DMRT1: variants seen among roughly 807,000 people sequenced by gnomAD.
DMRT1 encodes doublesex and mab-3 related transcription factor 1, also known as doublesex- and mab-3-related transcription factor 1.
DMRT1 carries 7 observed loss-of-function variants against 32.3 expected under a neutral mutation model. The observed-to-expected ratio is 0.22, with a 90% CI of 0.12 to 0.41. The LOEUF (loss-of-function observed/expected upper bound fraction) is 0.41, where lower values mean the gene tolerates loss of function less well. Ranked by LOEUF, DMRT1 falls within the 10% of genes least tolerant of loss-of-function variation. The probability of loss-of-function intolerance (pLI) is 1.00; values close to 1 mark genes in which losing one functional copy is unlikely to be tolerated. For missense variants in DMRT1, 625 were observed against 500.5 expected, an observed-to-expected ratio of 1.25 and a Z score of -2.37; for synonymous variants, 278 against 206.1, an observed-to-expected ratio of 1.35 and a Z score of -2.99.
intron 3 of DMRT1, among the ~76,000 whole-genome samples, chr9:897,241 T>C (rs1249664088): frequency 6.6e-6 from 1 of 151,672 alleles, no homozygotes; most frequent in African/African-American, 2.4e-5. Context: ...GCCTACTGAG[T>C]AGCTGGGACT....
At position 861,805 on chromosome 9, in the gene DMRT1, C is replaced by CG. The variant is rs57064577; in HGVS notation, c.538+14671dup. On this transcript the variant is annotated intron_variant, in intron 2 of 4. Transcript: ENST00000382276. The stretch of plus-strand genomic sequence containing the variant: ...CTTCCCAGACGGGGCGGCTGCCGGG[C>CG]GGGGGGGGGCTCCTTCAGACGGGGC... Among the ~76,000 whole-genome samples, 459 of 143,616 alleles carry CG rather than the reference C, an allele frequency of 3.2e-3. 3 individuals are homozygous for CG. The highest frequency in any genetic ancestry group is 0.022 in the Middle Eastern group (6 of 274). 94.2% of individuals were successfully genotyped at this position (143,616 alleles called of 152,430 possible). A position where few individuals can be genotyped will look rare whatever the true frequency, so the allele number is the denominator to read the frequency against.
At chr9:893,400 G>C (rs560608526) in intron 2 of DMRT1, among the ~76,000 whole-genome samples, 1 of 152,352 alleles carries the variant, frequency 6.6e-6, no homozygotes, top group Non-Finnish European at 1.5e-5. Context: ...TCTTACACTA[G>C]AAGTTTGCCC....
intron 2 of DMRT1, among the ~76,000 whole-genome samples, chr9:876,719 T>C (rs1283596759): frequency 1.3e-5 from 2 of 152,126 alleles, no homozygotes; most frequent in African/African-American, 2.4e-5. Context: ...TTTGTAGAGA[T>C]GGGGTCTCGC....
intron 4 of DMRT1, among the ~76,000 whole-genome samples, chr9:919,114 C>CGG (rs1215707413): frequency 6.6e-6 from 1 of 152,084 alleles, no homozygotes; most frequent in Non-Finnish European, 1.5e-5. Flanking sequence ...TGGCTCATAA[C>CGG]CAGTTACATG....
intron 4 of DMRT1, among the ~76,000 whole-genome samples, chr9:932,575 CTG>C (rs1818760119): frequency 6.6e-6 from 1 of 152,108 alleles, no homozygotes; most frequent in African/African-American, 2.4e-5. Flanking sequence ...CTGACACAAA[CTG>C]GGTGTCCTAC....
In DMRT1 at chr9:841,796, C is replaced by A. The variant is rs1387061667; in HGVS notation, c.-43C>A. The A allele has an allele frequency of 2.5e-6, 4 of 1,575,294 alleles. No individual in the cohort carries two copies. The highest frequency in any genetic ancestry group is 3.4e-6 in the Non-Finnish European group (4 of 1,160,958). ...TTCATCCCTCGCAGCAGTCTCCAGG[C>A]GAGAGAGGGGGCCAGAGTGCTCGCA... is the stretch of plus-strand genomic sequence containing the variant. On this transcript the variant is annotated 5_prime_UTR_variant, in exon 1 of 5. Coordinates refer to ENST00000382276, the MANE Select transcript of DMRT1 (RefSeq NM_021951.3).
At chr9:862,234 C>G (rs937784315) in intron 2 of DMRT1, among the ~76,000 whole-genome samples, 1 of 152,058 alleles carries the variant, frequency 6.6e-6, no homozygotes, top group Non-Finnish European at 1.5e-5. Flanking sequence ...GTGAGCGAGA[C>G]TCCGTCTGCA....
chr9:910,407 T>C (rs1457382670), intron 3 of DMRT1, among the ~76,000 whole-genome samples: 1 of 152,182 alleles, frequency 6.6e-6, no homozygotes, highest in Non-Finnish European at 1.5e-5. Flanking sequence ...AGATGACAAT[T>C]TGGTCTTCAC....
chr9:879,191 C>T (rs185115278), intron 2 of DMRT1, among the ~76,000 whole-genome samples: 60 of 152,218 alleles, frequency 3.9e-4, no homozygotes, highest in African/African-American at 1.3e-3. Context: ...AAACTTTTTA[C>T]TTGCAGAATC....
intron 1 of DMRT1, among the ~76,000 whole-genome samples, chr9:845,874 T>G (rs2132540387): frequency 6.6e-6 from 1 of 152,322 alleles, no homozygotes; most frequent in East Asian, 1.9e-4. Context: ...TTCAAGGCTC[T>G]GTCCAAATAC....
chr9:909,493 G>GA (rs1817896225), intron 3 of DMRT1, among the ~76,000 whole-genome samples: 1 of 152,012 alleles, frequency 6.6e-6, no homozygotes, highest in Non-Finnish European at 1.5e-5. Context: ...TAGATGGTTC[G>GA]AAAAGAAGCA....
At chr9:862,411 G>A (rs1176834130) in intron 2 of DMRT1, among the ~76,000 whole-genome samples, 7 of 150,786 alleles carry the variant, frequency 4.6e-5, no homozygotes, top group Non-Finnish European at 1.0e-4. Flanking sequence ...TGAGGCAGGA[G>A]AATCAGGCAG....
chr9:921,208 A>G (rs1055908743), intron 4 of DMRT1, among the ~76,000 whole-genome samples: 12 of 152,010 alleles, frequency 7.9e-5, no homozygotes, highest in Admixed American at 3.3e-4. Context: ...TTCTGTCTCT[A>G]TAGATTTGCC....
At chr9:857,190 C>G (rs940825514) in intron 2 of DMRT1, among the ~76,000 whole-genome samples, 1 of 152,026 alleles carries the variant, frequency 6.6e-6, no homozygotes, top group Non-Finnish European at 1.5e-5. Context: ...GCCTGTAATC[C>G]CAGCTACTCG....
intron 2 of DMRT1, among the ~76,000 whole-genome samples, chr9:858,867 AAAAATATAT>A (rs201334590): frequency 0.11 from 2,053 of 18,130 alleles, 14 homozygotes; most frequent in African/African-American, 0.17. Flanking sequence ...AAAAAAAAAA[AAAAATATAT>A]ATATATATAT....
intron 4 of DMRT1, among the ~76,000 whole-genome samples, chr9:937,470 A>G (rs1818924619): frequency 6.6e-6 from 1 of 152,220 alleles, no homozygotes; most frequent in African/African-American, 2.4e-5. Context: ...TCAGCAGTGC[A>G]TGATGGTTCA....
intron 3 of DMRT1, among the ~76,000 whole-genome samples, chr9:906,931 A>G (rs1444716561): frequency 6.6e-6 from 1 of 152,214 alleles, no homozygotes; most frequent in African/African-American, 2.4e-5. Flanking sequence ...CTCTCTGAGC[A>G]GTTTCTTCCT....
chr9:930,473 G>A (rs1042303719), intron 4 of DMRT1, among the ~76,000 whole-genome samples: 2 of 151,726 alleles, frequency 1.3e-5, no homozygotes, highest in Non-Finnish European at 2.9e-5. Flanking sequence ...GTGCAGTGGT[G>A]CGATCTCGGC....
At chr9:923,660 C>T (rs758802334) in intron 4 of DMRT1, among the ~76,000 whole-genome samples, 3 of 151,992 alleles carry the variant, frequency 2.0e-5, no homozygotes, top group Non-Finnish European at 1.5e-5. Flanking sequence ...TTGGCTGGCA[C>T]GAAGGAGAGT....
Sources: gnomAD v4.1 joint callset for allele counts (sites outside exome capture counted in the v4.1 genomes callset) on GRCh38, gnomAD v4.1.1 for gene constraint, MANE v1.5 for transcripts, NCBI Gene and HGNC (gene_info 2026-07-23, HGNC 2026-07-21) for gene names.